The following RPTOR variants were observed in gnomAD, a reference collection of about 807,000 sequenced individuals.
The protein encoded by RPTOR is regulatory associated protein of MTOR complex 1, also known as regulatory-associated protein of mTOR.
A neutral mutation model predicts 169.9 loss-of-function variants in RPTOR; 21 were observed. That is an observed-to-expected ratio of 0.12 (90% CI 0.09 to 0.18). RPTOR has a LOEUF of 0.18. Ranked by LOEUF, RPTOR falls within the 10% of genes least tolerant of loss-of-function variation. RPTOR has a pLI of 1.00. For missense variants in RPTOR, 1,133 were observed against 1,855.9 expected, an observed-to-expected ratio of 0.61 and a Z score of 7.16; for synonymous variants, 732 against 753.2, an observed-to-expected ratio of 0.97 and a Z score of 0.46.
intron 6 of RPTOR, among the ~76,000 whole-genome samples, chr17:80,779,960 G>C (rs1204785941): frequency 1.3e-5 from 2 of 152,080 alleles, no homozygotes. Flanking sequence ...AGGAGTCGGG[G>C]GTACCCAGGC....
At chr17:80,832,856 G>A (rs2067521114) in intron 9 of RPTOR, among the ~76,000 whole-genome samples, 1 of 152,218 alleles carries the variant, frequency 6.6e-6, no homozygotes, top group South Asian at 2.1e-4. Context: ...TACTCCTTGG[G>A]TGGTGATGGA....
chr17:80,913,513 TC>T (rs1366812232), intron 21 of RPTOR, among the ~76,000 whole-genome samples: 1 of 152,146 alleles, frequency 6.6e-6, no homozygotes, highest in Non-Finnish European at 1.5e-5. Flanking sequence ...AGTTCAGTGA[TC>T]CAGTCACGGC....
intron 24 of RPTOR, among the ~76,000 whole-genome samples, chr17:80,928,029 A>G (rs2068833565): frequency 6.6e-6 from 1 of 151,936 alleles, no homozygotes; most frequent in Non-Finnish European, 1.5e-5. Flanking sequence ...TGAGTAAATG[A>G]TTGTCTTCCT....
chr17:80,822,887 A>G (rs2067397275), intron 8 of RPTOR, among the ~76,000 whole-genome samples, 192 bp from the exon 9 acceptor site: 2 of 151,842 alleles, frequency 1.3e-5, no homozygotes, highest in African/African-American at 4.8e-5. Flanking sequence ...GCATGTGTGT[A>G]CATTTGTGCA....
rs953107481 is a variant in RPTOR, at chr17:80,860,194, C to T, written c.1509+2294C>T. 1.1e-4 allele frequency among the ~76,000 whole-genome samples: 16 copies of T among 152,352 alleles called. No homozygotes were observed. The highest frequency in any genetic ancestry group is 6.2e-4 in the South Asian group (3 of 4,832). ...CCAGTCACTGGCACTGAGACCCAGC[C>T]TCATCCTTAGCCCTGTCAGCCATGT... On this transcript the variant is annotated intron_variant, in intron 13 of 33. Coordinates refer to ENST00000306801, the MANE Select transcript of RPTOR (RefSeq NM_020761.3). This position sits in a 1 kb window ranked among gnomAD's most constrained non-coding sequence, Gnocchi z 5.8.
chr17:80,827,795 C>G (rs575193148), intron 9 of RPTOR, among the ~76,000 whole-genome samples: 52 of 152,316 alleles, frequency 3.4e-4, no homozygotes, highest in African/African-American at 1.2e-3. Flanking sequence ...ATTCCAGTGA[C>G]TGACTGATTA....
In RPTOR at chr17:80,845,517, C is replaced by T. The variant is rs980631051; in HGVS notation, c.1213-956C>T. 3.3e-5 allele frequency among the ~76,000 whole-genome samples: 5 copies of T among 151,956 alleles called. No individual in the cohort carries two copies. The highest frequency in any genetic ancestry group is 4.8e-5 in the African/African-American group (2 of 41,360). On this transcript the variant is annotated intron_variant, in intron 10 of 33. Transcript: ENST00000306801. This position sits in a 1 kb window ranked among gnomAD's most constrained non-coding sequence, Gnocchi z 5.4. ...CTGCATCTGGGCCCCCTTGCTTTGC[C>T]GCCTGCCTGGTTCCCCTGGGGAGCA...
At chr17:80,749,864 CACT>C (rs1329729519) in intron 5 of RPTOR, among the ~76,000 whole-genome samples, 1 of 152,072 alleles carries the variant, frequency 6.6e-6, no homozygotes, top group Non-Finnish European at 1.5e-5. Context: ...AGGCATGCAC[CACT>C]ACACCAGGCT....
Position 80,907,958 on chromosome 17 carries a change from G to A in RPTOR, c.2402-853G>A, listed in dbSNP as rs140656836. ...CATCTCCCTGAGGCCGCACGCTGTCGTGGACGTAGCATGGCTCAAAGGTTT... is the reference window on the plus strand; with the variant it reads ...CATCTCCCTGAGGCCGCACGCTGTCATGGACGTAGCATGGCTCAAAGGTTT... On this transcript the variant is annotated intron_variant, in intron 20 of 33. Transcript: ENST00000306801. Among the ~76,000 whole-genome samples the A allele has an allele frequency of 2.9e-3, 446 of 152,272 alleles. 3 individuals carry two copies. Among genetic ancestry groups the A allele is most frequent in the African/African-American group, 0.01 (424 of 41,528 alleles).
intron 20 of RPTOR, among the ~76,000 whole-genome samples, chr17:80,898,219 T>A (rs1427104197): frequency 6.6e-6 from 1 of 152,256 alleles, no homozygotes; most frequent in Non-Finnish European, 1.5e-5. Context: ...AGTATTCTCA[T>A]TCTTTCCCTT....
At chr17:80,643,648 A>G in intron 2 of RPTOR, 80 bp from the exon 3 acceptor site, 1 of 1,042,996 alleles carries the variant, frequency 9.6e-7, no homozygotes, top group Non-Finnish European at 1.4e-6. Flanking sequence ...GTGTTATATA[A>G]GGAGAAACTG....
chr17:80,683,904 A>G (rs1350030635), intron 3 of RPTOR, among the ~76,000 whole-genome samples: 2 of 152,068 alleles, frequency 1.3e-5, no homozygotes, highest in Admixed American at 1.3e-4. Context: ...TTCCTTTTCT[A>G]CAGAATGGGA....
chr17:80,712,125 T>C (rs2066199305), intron 4 of RPTOR, among the ~76,000 whole-genome samples: 2 of 152,226 alleles, frequency 1.3e-5, no homozygotes. Flanking sequence ...TATTGAGTTA[T>C]ATACTTCCTT....
At chr17:80,636,896 T>C (rs1045716274) in intron 2 of RPTOR, among the ~76,000 whole-genome samples, 1 of 152,210 alleles carries the variant, frequency 6.6e-6, no homozygotes, top group Non-Finnish European at 1.5e-5. Context: ...CACACCTCAC[T>C]GAGCCCCACT....
At chr17:80,719,629 A>G (rs943257503) in intron 4 of RPTOR, among the ~76,000 whole-genome samples, 6 of 152,194 alleles carry the variant, frequency 3.9e-5, no homozygotes, top group Admixed American at 1.3e-4. Flanking sequence ...AGGAGGGCAA[A>G]GGACAGGGGT....
chr17:80,795,317 T>C (rs1262452906), intron 7 of RPTOR, among the ~76,000 whole-genome samples: 1 of 152,176 alleles, frequency 6.6e-6, no homozygotes, highest in East Asian at 1.9e-4. Context: ...CAAACACCCT[T>C]CCCCATCCAC....
chr17:80,814,450 C>T (rs372256484), intron 7 of RPTOR, among the ~76,000 whole-genome samples: 37 of 152,176 alleles, frequency 2.4e-4, no homozygotes, highest in African/African-American at 6.7e-4. Flanking sequence ...GCCACCAGAG[C>T]GTTTCACGAG....
At chr17:80,700,404 TGG>T (rs2143049801) in intron 3 of RPTOR, among the ~76,000 whole-genome samples, 1 of 150,876 alleles carries the variant, frequency 6.6e-6, no homozygotes, top group Admixed American at 6.6e-5. Context: ...GTGGTGGTGA[TGG>T]TGGTGGTGGT....
chr17:80,750,029 T>A (rs1031343069), intron 5 of RPTOR, among the ~76,000 whole-genome samples: 5 of 150,058 alleles, frequency 3.3e-5, no homozygotes, highest in Admixed American at 6.6e-5. Context: ...TAAAAAAAAA[T>A]TTTGGAGTGA....
Sources: gnomAD v4.1 joint callset for allele counts (sites outside exome capture counted in the v4.1 genomes callset) on GRCh38, gnomAD v4.1.1 for gene constraint, Gnocchi (gnomAD v3.1) non-coding constraint, MANE v1.5 for transcripts, NCBI Gene and HGNC (gene_info 2026-07-23, HGNC 2026-07-21) for gene names.